Variants in EPHA5 observed in about 807,000 individuals in gnomAD.
EPHA5 encodes the protein ephrin type-A receptor 5.
A neutral mutation model predicts 105.0 loss-of-function variants in EPHA5; 60 were observed. The observed-to-expected ratio is 0.57, with a 90% CI of 0.46 to 0.71. The LOEUF is 0.71. Among genes scored for constraint, EPHA5 ranks in the 30% least tolerant of loss-of-function variants. The pLI, the probability that EPHA5 is intolerant of heterozygous loss-of-function variation, is 0.00. For synonymous variants in EPHA5, 513 were observed against 449.1 expected (o/e 1.14, Z -1.80); for missense variants, 1,218 against 1,274.7 (o/e 0.96, Z 0.68).
chr4:65,545,241 CACTTA>C (rs1261791743), intron 3 of EPHA5, among the ~76,000 whole-genome samples: 2 of 151,830 alleles, frequency 1.3e-5, no homozygotes, highest in South Asian at 2.1e-4. Flanking sequence ...ATCTTCCCTT[CACTTA>C]ACTTGTCTCA....
At chr4:65,424,722 A>G (rs1372524329) in intron 5 of EPHA5, among the ~76,000 whole-genome samples, 1 of 152,076 alleles carries the variant, frequency 6.6e-6, no homozygotes, top group African/African-American at 2.4e-5. Flanking sequence ...CAAAGTGCTT[A>G]CACAGATGAG....
chr4:65,376,116 C>A (rs559910534), intron 8 of EPHA5, among the ~76,000 whole-genome samples: 1 of 152,034 alleles, frequency 6.6e-6, no homozygotes, highest in South Asian at 2.1e-4. Flanking sequence ...TTTTAAGCAA[C>A]AAAAATTACT....
chr4:65,564,481 T>C (rs1739329592), intron 3 of EPHA5, among the ~76,000 whole-genome samples: 1 of 151,808 alleles, frequency 6.6e-6, no homozygotes, highest in African/African-American at 2.4e-5. Context: ...ACGTTTTGCT[T>C]TCTAGTGACC....
chr4:65,428,539 T>A (rs1724671681), intron 5 of EPHA5, among the ~76,000 whole-genome samples: 2 of 152,112 alleles, frequency 1.3e-5, no homozygotes, highest in Admixed American at 6.5e-5. Context: ...CAACTGGATC[T>A]TTTGATATAT....
intron 3 of EPHA5, among the ~76,000 whole-genome samples, chr4:65,583,729 G>A (rs989420493): frequency 1.3e-5 from 2 of 151,464 alleles, no homozygotes; most frequent in Non-Finnish European, 3.0e-5. Context: ...TTCAGAATAC[G>A]TAAAATTTGA....
intron 4 of EPHA5, among the ~76,000 whole-genome samples, chr4:65,492,025 G>C (rs1285076189): frequency 6.6e-6 from 1 of 152,118 alleles, no homozygotes; most frequent in Non-Finnish European, 1.5e-5. Flanking sequence ...TAGTTGAATG[G>C]TTCATAAGCA....
intron 3 of EPHA5, among the ~76,000 whole-genome samples, chr4:65,497,486 G>C (rs942728060): frequency 6.6e-6 from 1 of 152,020 alleles, no homozygotes; most frequent in Non-Finnish European, 1.5e-5. Context: ...ATTAGGAGAA[G>C]ATTTAAAATA....
chr4:65,573,351 C>G (rs1315385193), intron 3 of EPHA5: 2 of 613,244 alleles, frequency 3.3e-6, no homozygotes, highest in East Asian at 6.3e-5. Flanking sequence ...GCAGAGCTTG[C>G]AATGAGCTGA....
At chr4:65,462,774 G>A (rs552583277) in intron 5 of EPHA5, among the ~76,000 whole-genome samples, 69 of 152,216 alleles carry the variant, frequency 4.5e-4, no homozygotes, top group African/African-American at 1.6e-3. Flanking sequence ...AACAAATAAA[G>A]TGACAAGGCC....
At chr4:65,373,799 T>C (rs1718722442) in intron 8 of EPHA5, among the ~76,000 whole-genome samples, 1 of 151,876 alleles carries the variant, frequency 6.6e-6, no homozygotes, top group Non-Finnish European at 1.5e-5. Context: ...GTGACTGCTT[T>C]TCCCTTGCCA....
intron 2 of EPHA5, 71 bp downstream of exon 2, chr4:65,643,292 T>C: frequency 8.2e-7 from 1 of 1,218,692 alleles, no homozygotes; most frequent in Non-Finnish European, 1.2e-6. Context: ...TACATATTCA[T>C]TCCTGTGTTA....
At chr4:65,348,780 TG>T (rs1722512579) in intron 13 of EPHA5, among the ~76,000 whole-genome samples, 1 of 9,894 alleles carries the variant, frequency 1.0e-4, no homozygotes, top group African/African-American at 1.5e-4. Context: ...TGTGTGTGCA[TG>T]TGTGTGTGTG....
chr4:65,444,590 A>G (rs1269855882), intron 5 of EPHA5, among the ~76,000 whole-genome samples: 1 of 152,182 alleles, frequency 6.6e-6, no homozygotes, highest in Non-Finnish European at 1.5e-5. Context: ...CAGTGTTAAC[A>G]TCCACAGCCA....
At chr4:65,635,599 GA>G (rs970667731) in intron 2 of EPHA5, among the ~76,000 whole-genome samples, 5 of 149,842 alleles carry the variant, frequency 3.3e-5, no homozygotes, top group South Asian at 2.1e-4. Context: ...ACAGCTTACA[GA>G]AAAAAAAAGA....
At chr4:65,436,522 C>CT (rs1725498405) in intron 5 of EPHA5, among the ~76,000 whole-genome samples, 1 of 151,904 alleles carries the variant, frequency 6.6e-6, no homozygotes, top group Admixed American at 6.6e-5. Context: ...AATGGAAGTA[C>CT]TGATGGAACA....
chr4:65,644,372 C>T (rs921965424), intron 1 of EPHA5, among the ~76,000 whole-genome samples: 1 of 152,014 alleles, frequency 6.6e-6, no homozygotes. Flanking sequence ...TATACCTATC[C>T]CACATGGTTC....
intron 7 of EPHA5, among the ~76,000 whole-genome samples, chr4:65,409,396 A>G (rs1722707021): frequency 6.6e-6 from 1 of 151,082 alleles, no homozygotes; most frequent in African/African-American, 2.4e-5. Flanking sequence ...GCCGGAAAAA[A>G]GGTAATATTC....
chr4:65,633,595 GT>G (rs1385495092), intron 2 of EPHA5, among the ~76,000 whole-genome samples: 1 of 151,854 alleles, frequency 6.6e-6, no homozygotes, highest in African/African-American at 2.4e-5. Context: ...TTAGGCCTGG[GT>G]TTTGCATGGA....
chr4:65,479,794 T>G (rs1049872463), intron 5 of EPHA5, among the ~76,000 whole-genome samples: 5 of 152,102 alleles, frequency 3.3e-5, no homozygotes, highest in African/African-American at 1.2e-4. Flanking sequence ...TAGAAAAAAT[T>G]ATATACAATA....
Sources: gnomAD v4.1 joint callset for allele counts (sites outside exome capture counted in the v4.1 genomes callset) on GRCh38, gnomAD v4.1.1 for gene constraint, MANE v1.5 for transcripts, NCBI Gene and HGNC (gene_info 2026-07-23, HGNC 2026-07-21) for gene names.